Variants in IPO11 observed in about 807,000 individuals in gnomAD.
The protein encoded by IPO11 is importin 11, also known as importin-11.
Under a neutral mutation model 143.2 loss-of-function variants are expected in IPO11, and 66 were observed. The observed-to-expected ratio is 0.46, with a 90% confidence interval of 0.38 to 0.57. The LOEUF is 0.57. IPO11 is among the 20% of genes least tolerant of loss of function. IPO11 has a pLI of 0.00. For missense variants in IPO11, 1,026 were observed against 1,141.0 expected, an observed-to-expected ratio of 0.90 and a Z score of 1.45; for synonymous variants, 385 against 377.8, an observed-to-expected ratio of 1.02 and a Z score of -0.22.
At chr5:62,512,121 A>G (rs1299539721) in intron 19 of IPO11, 5 of 673,468 alleles carry the variant, frequency 7.4e-6, no homozygotes, top group South Asian at 1.8e-5. Context: ...CAAACAGTGT[A>G]TTGAACATCT....
At chr5:62,616,909 TGA>T (rs1746161805) in intron 29 of IPO11, among the ~76,000 whole-genome samples, 1 of 152,182 alleles carries the variant, frequency 6.6e-6, no homozygotes, top group Non-Finnish European at 1.5e-5. Context: ...ATACACCATT[TGA>T]TGAAATCAAA....
chr5:62,523,355 T>C (rs928980292), intron 20 of IPO11, among the ~76,000 whole-genome samples: 2 of 152,170 alleles, frequency 1.3e-5, no homozygotes, highest in Admixed American at 1.3e-4. Flanking sequence ...AGCAGGAACA[T>C]AGAGTACAGA....
At chr5:62,416,142 C>T (rs1298397171) in intron 1 of IPO11, among the ~76,000 whole-genome samples, 1 of 151,338 alleles carries the variant, frequency 6.6e-6, no homozygotes, top group Non-Finnish European at 1.5e-5. Flanking sequence ...TGTGTACATG[C>T]ACCTCTGCTG....
intron 25 of IPO11, among the ~76,000 whole-genome samples, chr5:62,550,869 G>T (rs1209131936): frequency 6.6e-6 from 1 of 151,064 alleles, no homozygotes; most frequent in Non-Finnish European, 1.5e-5. Flanking sequence ...AGTATTTAAA[G>T]TAATATAGTA....
At chr5:62,501,680 T>C (rs1392084957) in intron 16 of IPO11, among the ~76,000 whole-genome samples, 1 of 152,214 alleles carries the variant, frequency 6.6e-6, no homozygotes, top group South Asian at 2.1e-4. Context: ...TGTACTAATG[T>C]ATAGGATAAT....
intron 24 of IPO11, among the ~76,000 whole-genome samples, chr5:62,540,739 T>C (rs952123799): frequency 2.6e-5 from 4 of 152,218 alleles, no homozygotes; most frequent in Non-Finnish European, 5.9e-5. Flanking sequence ...CTAGAGTTGA[T>C]GTGAGGAATA....
chr5:62,486,957 T>G (rs1746429003), intron 12 of IPO11, among the ~76,000 whole-genome samples: 1 of 152,072 alleles, frequency 6.6e-6, no homozygotes, highest in Non-Finnish European at 1.5e-5. Context: ...ACACAATACC[T>G]TAAAAATTTA....
At position 62,628,313 on chromosome 5, in the gene IPO11, A is replaced by G. The variant is rs963043906; in HGVS notation, c.*995A>G. On this transcript the variant is annotated 3_prime_UTR_variant, in exon 30 of 30. Transcript: ENST00000325324. ...CTTCCTTATTCCTCGAACATGCAGT[A>G]CATAAAAAGGGGAAAAGGAGAAAAA... 1.3e-5 allele frequency: 2 copies of G among 152,542 alleles called. No individual in the cohort carries two copies. The allele number at this position is 152,542 out of a possible 1,614,324, so 9.4% of individuals were successfully genotyped here. A position where few individuals can be genotyped will look rare whatever the true frequency, so the allele number is the denominator to read the frequency against.
chr5:62,561,170 G>C lies in IPO11; in HGVS notation c.2495G>C (p.Trp832Ser). 6.2e-7 allele frequency: 1 copy of C among 1,609,128 alleles called. No homozygotes were observed. Among genetic ancestry groups the C allele is most frequent in the Non-Finnish European group, 8.5e-7 (1 of 1,177,728 alleles). Reference protein sequence around the residue: ...DQLLGNMIEMWVDRMDNITQP... With the variant: ...DQLLGNMIEMSVDRMDNITQP... ...CTTTTGGGAAATATGATTGAAATGT[G>C]GGTTGATCGAATGGACAACATTACC... The change falls in exon 27 of 30, where the codon TGG (tryptophan) becomes TCG (serine). Residue 832 changes from tryptophan (W) to serine (S), a missense_variant. Physicochemically the swap from Trp to Ser is radical, Grantham distance 177. Transcript: ENST00000325324.
At chr5:62,497,271 A>T (rs1276695331) in intron 16 of IPO11, among the ~76,000 whole-genome samples, 1 of 152,226 alleles carries the variant, frequency 6.6e-6, no homozygotes, top group African/African-American at 2.4e-5. Flanking sequence ...TCAATAAAAA[A>T]TTCAGCAGCT....
At chr5:62,462,572 C>A (rs1745399958) in intron 5 of IPO11, among the ~76,000 whole-genome samples, 1 of 151,964 alleles carries the variant, frequency 6.6e-6, no homozygotes, top group African/African-American at 2.4e-5. Flanking sequence ...GTTTTGTCTC[C>A]CAAGCTAGAG....
At chr5:62,519,340 C>T (rs927294123) in intron 20 of IPO11, among the ~76,000 whole-genome samples, 2 of 152,096 alleles carry the variant, frequency 1.3e-5, no homozygotes, top group African/African-American at 4.8e-5. Flanking sequence ...CCTGCTCCTC[C>T]TCCTCATTTC....
At chr5:62,475,751 C>A (rs545528493) in intron 8 of IPO11, among the ~76,000 whole-genome samples, 40 of 152,334 alleles carry the variant, frequency 2.6e-4, no homozygotes, top group African/African-American at 9.4e-4. Context: ...CATTAACCTC[C>A]ACTGGCTTAT....
intron 27 of IPO11, among the ~76,000 whole-genome samples, chr5:62,563,579 ATTTT>A (rs1743842267): frequency 2.0e-5 from 3 of 152,038 alleles, no homozygotes; most frequent in Admixed American, 2.0e-4. Context: ...CAGATTTTGG[ATTTT>A]TGAGATTTTG....
At chr5:62,621,385 A>G (rs773103362) in intron 29 of IPO11, among the ~76,000 whole-genome samples, 1 of 152,200 alleles carries the variant, frequency 6.6e-6, no homozygotes, top group Non-Finnish European at 1.5e-5. Context: ...ACAGGTCCCC[A>G]TCTCGCAGAT....
chr5:62,444,877 G>A (rs1045330073), intron 3 of IPO11, among the ~76,000 whole-genome samples: 6 of 151,072 alleles, frequency 4.0e-5, no homozygotes, highest in Non-Finnish European at 7.4e-5. Flanking sequence ...TCAAAAGAGA[G>A]AGAGAGAGAC....
chr5:62,472,968 C>G (rs1218960111), intron 7 of IPO11, among the ~76,000 whole-genome samples: 1 of 152,146 alleles, frequency 6.6e-6, no homozygotes, highest in Non-Finnish European at 1.5e-5. Flanking sequence ...TTTCTACTTT[C>G]TTTGGAGAAT....
At position 62,420,984 on chromosome 5, in the gene IPO11, T is replaced by C. The variant is rs1457933192; in HGVS notation, c.-7+8055T>C. ...TCTCCAAAGTTGTATTAATAGATAT[T>C]CCCAGTAGCAGTGTTTAAGAGTTTC... On this transcript the variant is annotated intron_variant, in intron 1 of 29. Transcript: ENST00000325324. Among the ~76,000 whole-genome samples the C allele has an allele frequency of 2.6e-5, 4 of 152,220 alleles. No individual in the cohort carries two copies. In the East Asian group the frequency reaches 7.7e-4, roughly 29 times the overall value.
intron 27 of IPO11, chr5:62,580,900 C>T (rs1203293109): frequency 3.2e-6 from 5 of 1,551,372 alleles, no homozygotes; most frequent in Non-Finnish European, 2.6e-6. Flanking sequence ...GCAAATACAA[C>T]TTACTACTTC....
Sources: gnomAD v4.1 joint callset for allele counts (sites outside exome capture counted in the v4.1 genomes callset) on GRCh38, gnomAD v4.1.1 for gene constraint, MANE v1.5 for transcripts, NCBI Gene and HGNC (gene_info 2026-07-23, HGNC 2026-07-21) for gene names.